Variants in AFAP1L1 observed in about 807,000 individuals in gnomAD.
AFAP1L1 encodes the protein actin filament-associated protein 1-like 1.
Under a neutral mutation model 99.8 loss-of-function variants are expected in AFAP1L1, and 77 were observed. The observed-to-expected ratio is 0.77, with a 90% CI of 0.64 to 0.93. The LOEUF (loss-of-function observed/expected upper bound fraction) is 0.93, where lower values mean the gene tolerates loss of function less well. Ranked by LOEUF, AFAP1L1 falls within the 40% of genes least tolerant of loss-of-function variation. The pLI is 0.00. For missense variants in AFAP1L1, 893 were observed against 996.8 expected (o/e 0.90, Z 1.40); for synonymous variants, 373 against 395.3 (o/e 0.94, Z 0.67).
At position 149,292,030 on chromosome 5, in the gene AFAP1L1, G is replaced by T. The variant is rs916745859; in HGVS notation, c.17-7479G>T. Among the ~76,000 whole-genome samples, 21 of 152,330 alleles carry T rather than the reference G, an allele frequency of 1.4e-4. 1 individual carries two copies. Among genetic ancestry groups the T allele is most frequent in the Admixed American group, 1.2e-3 (19 of 15,292 alleles). Reference sequence around the variant, plus strand: ...GTCAAATAGTGAGGTGGGGAAAAGAGAAGTTGTATATTTTCCTATGGCTTT... The same window carrying T: ...GTCAAATAGTGAGGTGGGGAAAAGATAAGTTGTATATTTTCCTATGGCTTT... On this transcript the variant is annotated intron_variant, in intron 1 of 18. Coordinates refer to ENST00000296721, the MANE Select transcript of AFAP1L1 (RefSeq NM_152406.4).
At chr5:149,300,162 G>A (rs921545060) in intron 2 of AFAP1L1, 109 bp from the exon 3 acceptor site, 7 of 681,446 alleles carry the variant, frequency 1.0e-5, no homozygotes, top group African/African-American at 7.4e-5. Context: ...ACTTGAATGC[G>A]CTTTGCAAAG....
At chr5:149,308,544 G>A (rs1468135780) in intron 7 of AFAP1L1, among the ~76,000 whole-genome samples, 1 of 152,094 alleles carries the variant, frequency 6.6e-6, no homozygotes, top group Non-Finnish European at 1.5e-5. Flanking sequence ...AAAGTAAGAG[G>A]ATAAACATAA....
At chr5:149,312,510 GAA>G (rs984979900) in intron 9 of AFAP1L1, 1 of 421,764 alleles carries the variant, frequency 2.4e-6, no homozygotes, top group Non-Finnish European at 4.5e-6. Context: ...TTGTCAATTA[GAA>G]AAAGAGGGTG....
chr5:149,286,869 G>A (rs1177532653), intron 1 of AFAP1L1, among the ~76,000 whole-genome samples: 1 of 152,156 alleles, frequency 6.6e-6, no homozygotes, highest in Non-Finnish European at 1.5e-5. Flanking sequence ...TGGAGCTGGG[G>A]CTTGAGCCCT....
At chr5:149,319,832 A>G in intron 13 of AFAP1L1, 105 bp downstream of exon 13, 1 of 1,472,448 alleles carries the variant, frequency 6.8e-7, no homozygotes, top group Non-Finnish European at 9.2e-7. Context: ...GGGAGGAGCT[A>G]AGGAAAGCTC....
chr5:149,332,591 G>A, intron 16 of AFAP1L1, 104 bp from the exon 17 acceptor site: 5 of 1,277,912 alleles, frequency 3.9e-6, no homozygotes, highest in Non-Finnish European at 4.3e-6. Context: ...ACTGGGGGCT[G>A]GAAGGGCCCT....
chr5:149,285,595 C>A (rs1006497034), intron 1 of AFAP1L1, among the ~76,000 whole-genome samples: 1 of 152,174 alleles, frequency 6.6e-6, no homozygotes, highest in Non-Finnish European at 1.5e-5. Context: ...ACTGACTCCT[C>A]CCTAGCCTTC....
chr5:149,317,954 G>A lies in AFAP1L1; in HGVS notation c.1479+14G>A. 3 of 1,557,058 alleles carry A rather than the reference G, an allele frequency of 1.9e-6. No individual in the cohort carries two copies. Among genetic ancestry groups the A allele is most frequent in the Non-Finnish European group, 1.7e-6 (2 of 1,149,996 alleles). On this transcript the variant is annotated intron_variant, in intron 12 of 18. Transcript: ENST00000296721. The stretch of plus-strand genomic sequence containing the variant: ...GCCATCTTGGAGGTGAGAGGAGAGG[G>A]TGGGACGTGGGTGGCTCTTGGTCTG...
intron 1 of AFAP1L1, among the ~76,000 whole-genome samples, chr5:149,278,726 T>C (rs575048513): frequency 1.3e-5 from 2 of 152,326 alleles, no homozygotes; most frequent in East Asian, 3.9e-4. Context: ...TAGCTCCCAG[T>C]GCCTGGCCCA....
At chr5:149,282,172 G>C (rs1158796310) in intron 1 of AFAP1L1, among the ~76,000 whole-genome samples, 1 of 152,226 alleles carries the variant, frequency 6.6e-6, no homozygotes, top group Non-Finnish European at 1.5e-5. Context: ...TCAGGCTGCG[G>C]CAGGGGCAGA....
rs759164763 is a variant in AFAP1L1 at position 149,320,401 on chromosome 5, T to G, written c.1636T>G (p.Ser546Ala). 1 of 1,614,202 alleles carries G rather than the reference T, an allele frequency of 6.2e-7. No homozygotes were observed. The highest frequency in any genetic ancestry group is 1.1e-5 in the South Asian group (1 of 91,086). Residue 546 changes from serine to alanine, a missense_variant, in exon 14 of 19, where the codon TCC (serine) becomes GCC (alanine). Transcript: ENST00000296721. The surrounding 1 kb of genome is among the most constrained non-coding windows in gnomAD (Gnocchi z 4.0). The stretch of plus-strand genomic sequence containing the variant: ...CATTTTATTTTCTAGATATGCAAGA[T>G]CCTGCCAGAATCAGTGGCCTGAGCC... ...AGRNSFLYAR[S>A]CQNQWPEPRV...
chr5:149,293,982 A>G (rs1242213007), intron 1 of AFAP1L1, among the ~76,000 whole-genome samples: 7 of 152,138 alleles, frequency 4.6e-5, no homozygotes, highest in African/African-American at 1.2e-4. Flanking sequence ...GCAAGACTCC[A>G]TGCTCCAGCT....
At chr5:149,303,284 G>C (rs186376239) in intron 5 of AFAP1L1, among the ~76,000 whole-genome samples, 53 of 152,262 alleles carry the variant, frequency 3.5e-4, no homozygotes, top group African/African-American at 1.3e-3. Flanking sequence ...ACTGGTACAA[G>C]TTACCATTGA....
At chr5:149,332,921 C>T in intron 17 of AFAP1L1, 48 bp downstream of exon 17, 1 of 1,489,664 alleles carries the variant, frequency 6.7e-7, no homozygotes. Context: ...CTATGTCCCT[C>T]CACTCACTAC....
chr5:149,326,569 A>T (rs1203402358), intron 15 of AFAP1L1, among the ~76,000 whole-genome samples: 5 of 145,416 alleles, frequency 3.4e-5, no homozygotes, highest in African/African-American at 7.3e-5. Flanking sequence ...AAAAGAAAGA[A>T]AAATATATAT....
At chr5:149,274,600 T>C (rs1384077610) in intron 1 of AFAP1L1, among the ~76,000 whole-genome samples, 1 of 152,190 alleles carries the variant, frequency 6.6e-6, no homozygotes, top group African/African-American at 2.4e-5. Context: ...TATTCCAGGC[T>C]GGGCACAGTG....
chr5:149,298,096 G>T (rs1203236111), intron 1 of AFAP1L1, among the ~76,000 whole-genome samples: 2 of 152,142 alleles, frequency 1.3e-5, no homozygotes, highest in Non-Finnish European at 2.9e-5. Flanking sequence ...CTGGCTCCAG[G>T]GCCTGTTCTC....
At chr5:149,318,008 G>A (rs1756849637) in intron 12 of AFAP1L1, 68 bp downstream of exon 12, 2 of 1,509,622 alleles carry the variant, frequency 1.3e-6, no homozygotes, top group Admixed American at 2.0e-5. Context: ...TCATGTTTTT[G>A]TTTGGGGGAG....
At chr5:149,278,284 A>G (rs2127588170) in intron 1 of AFAP1L1, among the ~76,000 whole-genome samples, 1 of 152,072 alleles carries the variant, frequency 6.6e-6, no homozygotes, top group East Asian at 1.9e-4. Flanking sequence ...CTCCTCTTGC[A>G]CACTCCTTTC....
Sources: allele counts gnomAD v4.1 joint callset (sites outside exome capture counted in the v4.1 genomes callset), GRCh38; gene constraint gnomAD v4.1.1; non-coding constraint Gnocchi (gnomAD v3.1); transcripts MANE v1.5; gene names NCBI Gene and HGNC (gene_info 2026-07-23, HGNC 2026-07-21).